PCDH7: variants seen among roughly 807,000 people sequenced by gnomAD.
PCDH7 encodes the protein protocadherin-7.
Under a neutral mutation model 58.9 loss-of-function variants are expected in PCDH7, and 17 were observed. The ratio of observed to expected loss-of-function variants is 0.29; its 90% CI spans 0.20 to 0.43. The LOEUF (loss-of-function observed/expected upper bound fraction) is 0.43. Among genes scored for constraint, PCDH7 ranks in the 20% least tolerant of loss-of-function variants. PCDH7 has a pLI of 1.00. For synonymous variants in PCDH7, 664 were observed against 616.4 expected, an observed-to-expected ratio of 1.08 and a Z score of -1.14; for missense variants, 1,274 against 1,441.0, an observed-to-expected ratio of 0.88 and a Z score of 1.88.
At chr4:30,859,517 G>T (rs935123217) in intron 1 of PCDH7, among the ~76,000 whole-genome samples, 21 of 150,406 alleles carry the variant, frequency 1.4e-4, no homozygotes, top group Middle Eastern at 3.4e-3. Context: ...TCGACTCACT[G>T]CAACCTCCAC....
At chr4:30,728,590 T>C (rs1714990635) in intron 1 of PCDH7, among the ~76,000 whole-genome samples, 1 of 151,768 alleles carries the variant, frequency 6.6e-6, no homozygotes, top group Non-Finnish European at 1.5e-5. Flanking sequence ...TGGATGTCTA[T>C]GAAATAAGGA....
chr4:30,863,483 A>G (rs979869599), intron 1 of PCDH7, among the ~76,000 whole-genome samples: 8 of 152,096 alleles, frequency 5.3e-5, no homozygotes, highest in African/African-American at 1.7e-4. Flanking sequence ...ACAAATGTCA[A>G]TAGTGTTGAG....
intron 3 of PCDH7, among the ~76,000 whole-genome samples, chr4:30,992,793 CTTTT>C (rs577504420): frequency 2.7e-4 from 26 of 95,666 alleles, no homozygotes; most frequent in Middle Eastern, 7.1e-3. Context: ...CTGTCCCATT[CTTTT>C]TTTTTTTTTT....
chr4:30,962,795 A>C (rs1159499808), intron 3 of PCDH7, among the ~76,000 whole-genome samples: 11 of 150,632 alleles, frequency 7.3e-5, no homozygotes, highest in African/African-American at 1.5e-4. Flanking sequence ...AAAAAAAAAA[A>C]AAAAAAAAAA....
intron 1 of PCDH7, among the ~76,000 whole-genome samples, chr4:30,797,419 C>G: frequency 6.6e-6 from 1 of 151,798 alleles, no homozygotes; most frequent in East Asian, 1.9e-4. Context: ...ACTACAGGCG[C>G]CCGCCACCAC....
At chr4:30,848,706 T>C (rs1263272188) in intron 1 of PCDH7, among the ~76,000 whole-genome samples, 1 of 152,142 alleles carries the variant, frequency 6.6e-6, no homozygotes, top group Non-Finnish European at 1.5e-5. Flanking sequence ...ACAGCATAGT[T>C]AAGAATCTCT....
chr4:31,062,160 C>T (rs553964775), intron 3 of PCDH7, among the ~76,000 whole-genome samples: 1 of 151,548 alleles, frequency 6.6e-6, no homozygotes, highest in African/African-American at 2.4e-5. Flanking sequence ...TATCAGAAAA[C>T]CAAAAGCCAT....
intron 3 of PCDH7, among the ~76,000 whole-genome samples, chr4:30,968,518 T>C (rs561136083): frequency 1.3e-5 from 2 of 151,192 alleles, no homozygotes; most frequent in African/African-American, 4.9e-5. Context: ...ATCTTCTTTT[T>C]AATCTAAAAT....
chr4:30,967,116 G>T (rs973556575), intron 3 of PCDH7, among the ~76,000 whole-genome samples: 2 of 151,942 alleles, frequency 1.3e-5, no homozygotes, highest in African/African-American at 4.8e-5. Flanking sequence ...CACAAAAATT[G>T]TAACTTAAAA....
At chr4:30,990,001 A>T (rs1439295679) in intron 3 of PCDH7, among the ~76,000 whole-genome samples, 2 of 152,152 alleles carry the variant, frequency 1.3e-5, no homozygotes, top group Non-Finnish European at 2.9e-5. Flanking sequence ...TGCAGAAGTT[A>T]ATCAGGTTAG....
intron 1 of PCDH7, among the ~76,000 whole-genome samples, chr4:30,900,038 G>C (rs149076970): frequency 6.6e-6 from 1 of 152,054 alleles, no homozygotes; most frequent in Non-Finnish European, 1.5e-5. Context: ...AAACCATATC[G>C]TCTGATGTTT....
intron 1 of PCDH7, among the ~76,000 whole-genome samples, chr4:30,855,067 G>T (rs1021392263): frequency 6.6e-6 from 1 of 151,978 alleles, no homozygotes; most frequent in Non-Finnish European, 1.5e-5. Flanking sequence ...TTCTGAAGGC[G>T]GAAGGCTCAT....
At chr4:30,822,187 T>C (rs1348977721) in intron 1 of PCDH7, among the ~76,000 whole-genome samples, 1 of 152,168 alleles carries the variant, frequency 6.6e-6, no homozygotes, top group Non-Finnish European at 1.5e-5. Context: ...CCTCCCATCC[T>C]AAGCAAATTC....
intron 1 of PCDH7, among the ~76,000 whole-genome samples, chr4:30,876,630 T>G (rs1311912383): frequency 1.3e-5 from 2 of 152,040 alleles, no homozygotes. Context: ...AGGGAATGGG[T>G]ATTTAATATG....
At chr4:31,125,323 T>C (rs976800522) in intron 3 of PCDH7, among the ~76,000 whole-genome samples, 1 of 152,210 alleles carries the variant, frequency 6.6e-6, no homozygotes, top group African/African-American at 2.4e-5. Flanking sequence ...CTGTCCAAGC[T>C]AAAAATGTCC....
chr4:30,939,361 T>C lies in PCDH7; in HGVS notation c.288-10759T>C, dbSNP rs73812702. On this transcript the variant is annotated intron_variant, in intron 2 of 3. Transcript: ENST00000509759. ...TTCTGTCCTTGGCTTCTGTATTGCT[T>C]GCTATAATAAAGTCCTTGTGATACT... Among the ~76,000 whole-genome samples, 470 of 152,262 alleles carry C rather than the reference T, an allele frequency of 3.1e-3. 2 individuals carry two copies. The highest frequency in any genetic ancestry group is 0.011 in the African/African-American group (449 of 41,570).
At position 30,777,892 on chromosome 4, in the gene PCDH7, G is replaced by A. The variant is rs1005278719; in HGVS notation, c.70+53296G>A. On this transcript the variant is annotated intron_variant, in intron 1 of 3. Coordinates refer to the PCDH7 transcript ENST00000509759. ...TACATTTAAAAAATCTTATCTGCTTGTACATTTTACTAAATTTTAGAGCCT... is the reference window on the plus strand; with the variant it reads ...TACATTTAAAAAATCTTATCTGCTTATACATTTTACTAAATTTTAGAGCCT... Among the ~76,000 whole-genome samples, 6 of 152,114 alleles carry A rather than the reference G, an allele frequency of 3.9e-5. No individual in the cohort carries two copies. The East Asian group carries it at 9.7e-4, about 25-fold the overall frequency.
chr4:30,807,744 A>G (rs1726420166), intron 1 of PCDH7, among the ~76,000 whole-genome samples: 1 of 152,080 alleles, frequency 6.6e-6, no homozygotes, highest in Non-Finnish European at 1.5e-5. Flanking sequence ...TCATAGTCAA[A>G]TCTATTTGTG....
chr4:30,991,218 T>C (rs978832793), intron 3 of PCDH7, among the ~76,000 whole-genome samples: 1 of 152,214 alleles, frequency 6.6e-6, no homozygotes, highest in Non-Finnish European at 1.5e-5. Context: ...TGATGTCTGC[T>C]AAATTATGCC....
Sources: gnomAD v4.1 joint callset for allele counts (sites outside exome capture counted in the v4.1 genomes callset) on GRCh38, gnomAD v4.1.1 for gene constraint, MANE v1.5 for transcripts, NCBI Gene and HGNC (gene_info 2026-07-23, HGNC 2026-07-21) for gene names.